NDRG4: variants seen among roughly 807,000 people sequenced by gnomAD.
The protein encoded by NDRG4 is NDRG family member 4, also known as protein NDRG4.
NDRG4 carries 38 observed loss-of-function variants against 55.8 expected under a neutral mutation model. The ratio of observed to expected loss-of-function variants is 0.68; its 90% CI spans 0.53 to 0.89. The LOEUF is 0.89. Ranked by LOEUF, NDRG4 falls within the 40% of genes least tolerant of loss-of-function variation. The pLI is 0.00. For missense variants in NDRG4, 455 were observed against 468.6 expected, an observed-to-expected ratio of 0.97 and a Z score of 0.27; for synonymous variants, 190 against 182.7, an observed-to-expected ratio of 1.04 and a Z score of -0.32.
chr16:58,467,057 C>G (rs1338903824), intron 1 of NDRG4, among the ~76,000 whole-genome samples: 3 of 152,208 alleles, frequency 2.0e-5, no homozygotes, highest in African/African-American at 7.2e-5. Flanking sequence ...GAGGTGGCCA[C>G]TTTATTGTGG....
At chr16:58,490,017 C>A (rs1315125354) in intron 2 of NDRG4, among the ~76,000 whole-genome samples, 1 of 151,984 alleles carries the variant, frequency 6.6e-6, no homozygotes, top group Non-Finnish European at 1.5e-5. Context: ...GCTAATTTTT[C>A]CATTTTGTAG....
intron 13 of NDRG4, 103 bp downstream of exon 13, chr16:58,509,455 G>C: frequency 2.4e-6 from 3 of 1,225,270 alleles, no homozygotes; most frequent in Non-Finnish European, 2.3e-6. Context: ...GTGTCAGGTG[G>C]TAGTAGGGAG....
At chr16:58,513,832 C>T (rs2039031017), downstream of NDRG4, among the ~76,000 whole-genome samples, 4 of 152,256 alleles carry the variant, frequency 2.6e-5, no homozygotes, top group South Asian at 8.3e-4. Flanking sequence ...GTGGCGCGTG[C>T]CTGTAATACC....
chr16:58,473,371 C>G (rs1436535236), intron 1 of NDRG4, among the ~76,000 whole-genome samples: 2 of 152,070 alleles, frequency 1.3e-5, no homozygotes, highest in Non-Finnish European at 2.9e-5. Context: ...ACTATGTTGC[C>G]CAGGCTGGTC....
chr16:58,498,566 C>T (rs550205983), upstream of NDRG4, among the ~76,000 whole-genome samples: 4 of 152,260 alleles, frequency 2.6e-5, no homozygotes, highest in African/African-American at 4.8e-5. Context: ...GAGAGGAAGC[C>T]GGATAGGAGG....
chr16:58,491,734 A>T (rs949412286), intron 2 of NDRG4, among the ~76,000 whole-genome samples: 1 of 152,190 alleles, frequency 6.6e-6, no homozygotes, highest in African/African-American at 2.4e-5. Context: ...TGCTGGGATT[A>T]CAGGCATGAT....
chr16:58,477,633 G>A (rs2033840865), intron 1 of NDRG4, among the ~76,000 whole-genome samples: 1 of 151,918 alleles, frequency 6.6e-6, no homozygotes, highest in Non-Finnish European at 1.5e-5. Flanking sequence ...ATTCCAATAA[G>A]TGTAGAAGAG....
chr16:58,468,928 C>T (rs367886677), intron 1 of NDRG4, among the ~76,000 whole-genome samples: 15 of 152,128 alleles, frequency 9.9e-5, no homozygotes, highest in East Asian at 3.8e-4. Context: ...CATTGGCACT[C>T]GAGCAATATG....
chr16:58,511,152 T>G, intron 14 of NDRG4: 1 of 518,036 alleles, frequency 1.9e-6, no homozygotes, highest in African/African-American at 1.9e-5. Flanking sequence ...GGCATCCTCT[T>G]GAGGGAGGCA....
chr16:58,498,477 TCC>T (rs1389985004), upstream of NDRG4, among the ~76,000 whole-genome samples: 1 of 152,116 alleles, frequency 6.6e-6, no homozygotes, highest in Non-Finnish European at 1.5e-5. Context: ...GACCACTTTC[TCC>T]AAGGGCAGCC....
At chr16:58,465,583 C>G (rs1313387138) in intron 1 of NDRG4, among the ~76,000 whole-genome samples, 1 of 150,766 alleles carries the variant, frequency 6.6e-6, no homozygotes, top group South Asian at 2.1e-4. Context: ...GGGTGGGGTA[C>G]GTTGGGTGAG....
At chr16:58,472,641 A>T (rs2033035049) in intron 1 of NDRG4, among the ~76,000 whole-genome samples, 1 of 152,200 alleles carries the variant, frequency 6.6e-6, no homozygotes, top group Non-Finnish European at 1.5e-5. Flanking sequence ...AAAGAGAGGA[A>T]GATGGGGTGT....
intron 14 of NDRG4, chr16:58,511,091 G>A (rs754792387): frequency 1.2e-4 from 57 of 473,224 alleles, no homozygotes; most frequent in Non-Finnish European, 1.8e-4. Context: ...AGGGCAGTAT[G>A]CGACCACCGC....
chr16:58,511,458 G>A lies in NDRG4; in HGVS notation c.941G>A (p.Arg314His), dbSNP rs1199266540. Residue 314 changes from arginine to histidine, a missense_variant, in exon 15 of 15, where the codon CGC becomes CAC. Transcript: ENST00000570248. The stretch of plus-strand genomic sequence containing the variant: ...AGCATGACCCGCCTGGCACGCTCCC[G>A]CACTGCATCCCTCACCAGTGCCAGC... ...SASMTRLARS[R>H]TASLTSASSV... 9.3e-6 allele frequency: 15 copies of A among 1,612,340 alleles called. No individual in the cohort carries two copies. The highest frequency in any genetic ancestry group is 6.6e-5 in the South Asian group (6 of 91,044).
intron 1 of NDRG4, 66 bp from the exon 2 acceptor site, chr16:58,503,732 C>T (rs757710690): frequency 1.2e-6 from 2 of 1,605,302 alleles, no homozygotes; most frequent in Non-Finnish European, 8.5e-7. Context: ...GCTGCGTCAC[C>T]TCATTCCCCA....
At chr16:58,509,068 A>C in intron 11 of NDRG4, 59 bp downstream of exon 11, 1 of 1,613,878 alleles carries the variant, frequency 6.2e-7, no homozygotes, top group East Asian at 2.2e-5. Flanking sequence ...AACCTCAGGG[A>C]GGTGTTTTCC....
In NDRG4 at chr16:58,464,836, A is replaced by G; in HGVS notation, c.-24+1039A>G. ...GCTTCTGGCAGGACCCGCGCCATGG[A>G]CCTCTTATTTCTGCGCCCTGTGACA... On this transcript the variant is annotated intron_variant, in intron 1 of 15. Coordinates refer to the NDRG4 transcript ENST00000258187. The surrounding 1 kb of genome is among the most constrained non-coding windows in gnomAD (Gnocchi z 4.8). 2.4e-6 allele frequency: 3 copies of G among 1,233,096 alleles called. No homozygotes were observed. Among genetic ancestry groups the G allele is most frequent in the South Asian group, 3.7e-5 (2 of 54,062 alleles). 76.4% of individuals were successfully genotyped at this position (1,233,096 alleles called of 1,614,324 possible).
chr16:58,504,550 C>T, intron 4 of NDRG4, 39 bp from the exon 5 acceptor site: 1 of 1,613,388 alleles, frequency 6.2e-7, no homozygotes, highest in South Asian at 1.1e-5. Flanking sequence ...TGGGAAATGG[C>T]ACCCCTAGCC....
chr16:58,476,207 C>A (rs1453528342), intron 1 of NDRG4, among the ~76,000 whole-genome samples: 1 of 152,248 alleles, frequency 6.6e-6, no homozygotes, highest in Non-Finnish European at 1.5e-5. Flanking sequence ...TCCACCTACT[C>A]ATCTAAAATA....
Sources: allele counts gnomAD v4.1 joint callset (sites outside exome capture counted in the v4.1 genomes callset), GRCh38; gene constraint gnomAD v4.1.1; non-coding constraint Gnocchi (gnomAD v3.1); transcripts MANE v1.5; gene names NCBI Gene and HGNC (gene_info 2026-07-23, HGNC 2026-07-21).